Variants in CDH4 observed in about 807,000 individuals in gnomAD.
CDH4 encodes cadherin-4.
A neutral mutation model predicts 86.0 loss-of-function variants in CDH4; 33 were observed. The observed-to-expected ratio is 0.38, with a 90% confidence interval of 0.29 to 0.51. CDH4 has a LOEUF of 0.51. Among genes scored for constraint, CDH4 ranks in the 20% least tolerant of loss-of-function variants. The pLI is 0.86. For synonymous variants in CDH4, 555 were observed against 549.4 expected (o/e 1.01, Z -0.14); for missense variants, 1,114 against 1,307.4 (o/e 0.85, Z 2.28).
intron 4 of CDH4, among the ~76,000 whole-genome samples, chr20:61,787,732 C>A (rs1978957782): frequency 6.6e-6 from 1 of 152,192 alleles, no homozygotes; most frequent in African/African-American, 2.4e-5. Context: ...AGTTTGATTT[C>A]AGATAAGGTG....
chr20:61,528,256 A>C (rs763724119), intron 2 of CDH4, among the ~76,000 whole-genome samples: 2 of 151,392 alleles, frequency 1.3e-5, no homozygotes, highest in African/African-American at 2.4e-5. Flanking sequence ...GTGTGCCTGT[A>C]ATCCCAGCTA....
chr20:61,764,255 T>G (rs1445720766), intron 3 of CDH4, among the ~76,000 whole-genome samples: 1 of 152,222 alleles, frequency 6.6e-6, no homozygotes, highest in Non-Finnish European at 1.5e-5. Context: ...AGTGTGGTTT[T>G]CTCAACATGC....
At chr20:61,605,094 A>C (rs1223773902) in intron 2 of CDH4, among the ~76,000 whole-genome samples, 1 of 152,124 alleles carries the variant, frequency 6.6e-6, no homozygotes, top group Non-Finnish European at 1.5e-5. Flanking sequence ...AATTCCACGC[A>C]CTTGGGAAGA....
intron 4 of CDH4, among the ~76,000 whole-genome samples, chr20:61,790,192 C>T (rs1410065884): frequency 6.6e-6 from 1 of 151,986 alleles, no homozygotes; most frequent in Non-Finnish European, 1.5e-5. Flanking sequence ...TCCATCCATC[C>T]ACTCAACCAT....
intron 2 of CDH4, among the ~76,000 whole-genome samples, chr20:61,685,560 T>A (rs1203290496): frequency 6.6e-6 from 1 of 152,270 alleles, no homozygotes; most frequent in African/African-American, 2.4e-5. Context: ...CCCCGCTGTT[T>A]GTGGCGCTTT....
intron 2 of CDH4, among the ~76,000 whole-genome samples, chr20:61,471,656 T>C (rs934447904): frequency 2.6e-5 from 4 of 152,072 alleles, no homozygotes; most frequent in African/African-American, 9.7e-5. Flanking sequence ...AGCTATAAAC[T>C]TCCCTCTTAG....
chr20:61,736,598 AGAGGGAGGGAGGAAGGAAGGAGAGG>A (rs967150340), intron 2 of CDH4, among the ~76,000 whole-genome samples: 12 of 147,400 alleles, frequency 8.1e-5, no homozygotes, highest in South Asian at 2.3e-4. Flanking sequence ...GATGAAGGGG[AGAGGGAGGGAGGAAGGAAGGAGAGG>A]GAGGGAGGGA....
At chr20:61,823,163 C>T (rs186150894) in intron 4 of CDH4, among the ~76,000 whole-genome samples, 1 of 118,216 alleles carries the variant, frequency 8.5e-6, no homozygotes, top group African/African-American at 3.2e-5. Context: ...GAGGCCCACT[C>T]ACACTGTTGA....
At chr20:61,294,292 G>A (rs1468713889) in intron 2 of CDH4, among the ~76,000 whole-genome samples, 1 of 152,210 alleles carries the variant, frequency 6.6e-6, no homozygotes, top group Non-Finnish European at 1.5e-5. Context: ...TAGAGCCCAA[G>A]GCCAAAGGTC....
chr20:61,489,639 T>G (rs2085615124), intron 2 of CDH4, among the ~76,000 whole-genome samples: 1 of 152,252 alleles, frequency 6.6e-6, no homozygotes, highest in South Asian at 2.1e-4. Context: ...ATTCAGCCGA[T>G]TGGCCAGTCC....
intron 4 of CDH4, among the ~76,000 whole-genome samples, chr20:61,841,539 G>T (rs1015466665): frequency 1.1e-4 from 16 of 152,202 alleles, no homozygotes; most frequent in African/African-American, 3.6e-4. Context: ...AGGGAGGGGT[G>T]ATTAAGGCTC....
intron 8 of CDH4, among the ~76,000 whole-genome samples, chr20:61,897,746 C>T (rs1985199368): frequency 6.6e-6 from 1 of 152,246 alleles, no homozygotes; most frequent in Non-Finnish European, 1.5e-5. Context: ...GCCTCGTGCG[C>T]CTCCCAGAGA....
rs1425253881 is a variant in CDH4 at position 61,715,583 on chromosome 20, G to A, written c.170-27980G>A. Among the ~76,000 whole-genome samples, 3 of 152,198 alleles carry A rather than the reference G, an allele frequency of 2.0e-5. No homozygotes were observed. In the East Asian group the frequency reaches 5.8e-4, roughly 29 times the overall value. Reference sequence around the variant, plus strand: ...GCAGAGCCCTGATTAATCCATTCATGTGGGTAGAAGGATTAAGTTTCCAAC... The same window carrying A: ...GCAGAGCCCTGATTAATCCATTCATATGGGTAGAAGGATTAAGTTTCCAAC... On this transcript the variant is annotated intron_variant, in intron 2 of 15. Coordinates refer to ENST00000614565, the MANE Select transcript of CDH4 (RefSeq NM_001794.5).
chr20:61,632,238 C>T (rs1272069032), intron 2 of CDH4, among the ~76,000 whole-genome samples: 1 of 152,156 alleles, frequency 6.6e-6, no homozygotes, highest in Non-Finnish European at 1.5e-5. Context: ...TGTGAAGGAG[C>T]ATGTTGGGAT....
At chr20:61,886,195 G>A (rs1040703155) in intron 7 of CDH4, among the ~76,000 whole-genome samples, 1 of 152,200 alleles carries the variant, frequency 6.6e-6, no homozygotes, top group Non-Finnish European at 1.5e-5. Context: ...CAGCATCCAG[G>A]AGAACTTCAG....
chr20:61,446,916 A>AT (rs1315673847), intron 2 of CDH4, among the ~76,000 whole-genome samples: 1 of 152,176 alleles, frequency 6.6e-6, no homozygotes, highest in African/African-American at 2.4e-5. Context: ...GTGAAGCTGA[A>AT]TTTTTATTGC....
chr20:61,935,215 TAGACCTCAGCC>T (rs2055168472), intron 15 of CDH4, among the ~76,000 whole-genome samples: 1 of 152,320 alleles, frequency 6.6e-6, no homozygotes, highest in East Asian at 1.9e-4. Context: ...TAGCAACACT[TAGACCTCAGCC>T]TAGGTCAGAA....
At chr20:61,824,665 G>A (rs934622645) in intron 4 of CDH4, among the ~76,000 whole-genome samples, 3 of 152,234 alleles carry the variant, frequency 2.0e-5, no homozygotes, top group African/African-American at 7.2e-5. Flanking sequence ...TAGTAAGCCA[G>A]TACCAAACAA....
chr20:61,917,990 C>T (rs889423213), intron 9 of CDH4, among the ~76,000 whole-genome samples: 4 of 152,226 alleles, frequency 2.6e-5, no homozygotes, highest in Non-Finnish European at 5.9e-5. Flanking sequence ...GACCACTTCC[C>T]TCAGGGGCTT....
Sources: allele counts gnomAD v4.1 joint callset (sites outside exome capture counted in the v4.1 genomes callset), GRCh38; gene constraint gnomAD v4.1.1; transcripts MANE v1.5; gene names NCBI Gene and HGNC (gene_info 2026-07-23, HGNC 2026-07-21).